The following FAM149B1 variants were observed in gnomAD, a reference collection of about 807,000 sequenced individuals.
FAM149B1 encodes the protein family with sequence similarity 149 member B1.
Under a neutral mutation model 75.3 loss-of-function variants are expected in FAM149B1, and 56 were observed. The ratio of observed to expected loss-of-function variants is 0.74; its 90% CI spans 0.60 to 0.93. FAM149B1 has a LOEUF of 0.93. FAM149B1 is among the 40% of genes least tolerant of loss of function. The pLI is 0.00. For missense variants in FAM149B1, 639 were observed against 708.4 expected (o/e 0.90, Z 1.11); for synonymous variants, 259 against 256.1 (o/e 1.01, Z -0.11).
intron 5 of FAM149B1, chr10:73,200,941 G>C (rs954118464): frequency 3.1e-5 from 14 of 453,272 alleles, no homozygotes; most frequent in African/African-American, 2.6e-4. Context: ...GAAGGAGAGA[G>C]ATACTATCAT....
intron 7 of FAM149B1, among the ~76,000 whole-genome samples, chr10:73,224,521 G>T (rs1401044717): frequency 6.6e-6 from 1 of 150,424 alleles, no homozygotes; most frequent in Admixed American, 6.6e-5. Flanking sequence ...GCCCAGGCTG[G>T]AGTGCAGTGG....
At chr10:73,201,869 A>G (rs2042946575) in intron 5 of FAM149B1, among the ~76,000 whole-genome samples, 1 of 152,154 alleles carries the variant, frequency 6.6e-6, no homozygotes, top group South Asian at 2.1e-4. Context: ...TTAAGAAAAA[A>G]AAAAGGAAAT....
Position 73,243,740 on chromosome 10 carries a change from C to T in FAM149B1, c.*2721C>T, listed in dbSNP as rs552394659. 1.1e-5 allele frequency: 13 copies of T among 1,169,362 alleles called. No homozygotes were observed. The highest frequency in any genetic ancestry group is 7.2e-5 in the East Asian group (3 of 41,802). The allele number at this position is 1,169,362 out of a possible 1,614,324, so 72.4% of individuals were successfully genotyped here. A position where few individuals can be genotyped will look rare whatever the true frequency, so the allele number is the denominator to read the frequency against. ...TTTAAAAGGACAAATAGAAGGTATG[C>T]GGTTATGTCTTAAAAGAAGAAAACA... On this transcript the variant is annotated 3_prime_UTR_variant, in exon 14 of 14. Transcript: ENST00000242505.
intron 12 of FAM149B1, among the ~76,000 whole-genome samples, chr10:73,236,864 T>C (rs188979227): frequency 2.0e-5 from 3 of 151,694 alleles, no homozygotes; most frequent in Admixed American, 6.6e-5. Flanking sequence ...TACAGGCACA[T>C]GCCACCATGC....
chr10:73,243,575 C>T lies in FAM149B1; in HGVS notation c.*2556C>T. 1.2e-6 allele frequency: 2 copies of T among 1,600,296 alleles called. No homozygotes were observed. Among genetic ancestry groups the T allele is most frequent in the East Asian group, 2.2e-5 (1 of 44,748 alleles). On this transcript the variant is annotated 3_prime_UTR_variant, in exon 14 of 14. Transcript: ENST00000242505. ...CAACATTATCCATAGACAGAAAGTA[C>T]CTAGTGGTTGCCAGGGGCTGGAAAA...
intron 5 of FAM149B1, among the ~76,000 whole-genome samples, chr10:73,203,861 A>G (rs1204005469): frequency 6.6e-6 from 1 of 152,038 alleles, no homozygotes; most frequent in Non-Finnish European, 1.5e-5. Context: ...GGCTGGTGTT[A>G]AACTCCTGGG....
At chr10:73,228,431 CA>C (rs1412016032) in intron 8 of FAM149B1, among the ~76,000 whole-genome samples, 1 of 152,166 alleles carries the variant, frequency 6.6e-6, no homozygotes, top group East Asian at 1.9e-4. Context: ...AACCTAGAAT[CA>C]ACCATGTGGT....
At chr10:73,240,754 T>C (rs184188789) in intron 13 of FAM149B1, among the ~76,000 whole-genome samples, 192 bp from the exon 14 acceptor site, 23 of 151,834 alleles carry the variant, frequency 1.5e-4, no homozygotes, top group Admixed American at 1.4e-3. Flanking sequence ...TATGTAACAC[T>C]GAAGTGGAAG....
intron 12 of FAM149B1, among the ~76,000 whole-genome samples, chr10:73,237,952 CTCTTT>C (rs766845868): frequency 3.7e-4 from 56 of 152,018 alleles, no homozygotes; most frequent in Non-Finnish European, 6.0e-4. Context: ...TTTCAGTCTT[CTCTTT>C]AAGTTTATTA....
Position 73,243,424 on chromosome 10 carries a change from A to C in FAM149B1, c.*2405A>C. The C allele has an allele frequency of 6.2e-7, 1 of 1,613,960 alleles. No homozygotes were observed. Among genetic ancestry groups the C allele is most frequent in the South Asian group, 1.1e-5 (1 of 91,074 alleles). The stretch of plus-strand genomic sequence containing the variant: ...ATTATTTCTTTTCTTTCTTGAGAGC[A>C]GATTTTTTCCCTCCTCCTTTGGAAG... On this transcript the variant is annotated 3_prime_UTR_variant, in exon 14 of 14. Coordinates refer to ENST00000242505, the MANE Select transcript of FAM149B1 (RefSeq NM_173348.2).
At position 73,244,480 on chromosome 10, in the gene FAM149B1, A is replaced by C. The variant is rs1227732834; in HGVS notation, c.*3461A>C. 6.7e-6 allele frequency: 1 copy of C among 149,894 alleles called. No homozygotes were observed. Among genetic ancestry groups the C allele is most frequent in the East Asian group, 2.0e-4 (1 of 5,076 alleles). 9.3% of individuals were successfully genotyped at this position (149,894 alleles called of 1,614,324 possible). A position where few individuals can be genotyped will look rare whatever the true frequency, so the allele number is the denominator to read the frequency against. Reference sequence around the variant, plus strand: ...CTCTGCACTCCAGCCTGGGTGATGGAGATGCCATCTCTTAGAAAAAAGAGA... The same window carrying C: ...CTCTGCACTCCAGCCTGGGTGATGGCGATGCCATCTCTTAGAAAAAAGAGA... On this transcript the variant is annotated 3_prime_UTR_variant, in exon 14 of 14. Transcript: ENST00000242505.
rs193219828 is a variant in FAM149B1, at chr10:73,215,668, A to G, written c.898+5230A>G. On this transcript the variant is annotated intron_variant, in intron 7 of 13. Coordinates refer to ENST00000242505, the MANE Select transcript of FAM149B1 (RefSeq NM_173348.2). Reference sequence around the variant, plus strand: ...TTTCTGTCAATTTTTTCATTGACCCAGTGATTGTTCAGGAGCATGCTGTTT... The same window carrying G: ...TTTCTGTCAATTTTTTCATTGACCCGGTGATTGTTCAGGAGCATGCTGTTT... Among the ~76,000 whole-genome samples the G allele has an allele frequency of 2.0e-3, 300 of 152,214 alleles. 3 individuals are homozygous for G. The highest frequency in any genetic ancestry group is 6.8e-3 in the African/African-American group (282 of 41,524).
In FAM149B1 at chr10:73,230,441, G is replaced by A; in HGVS notation, c.1043G>A (p.Ser348Asn). Residue 348 changes from serine to asparagine, a missense_variant, in exon 9 of 14, where the codon AGC becomes AAC. Physicochemically the swap from Ser to Asn is conservative, Grantham distance 46 (BLOSUM62 1). Coordinates refer to ENST00000242505, the MANE Select transcript of FAM149B1 (RefSeq NM_173348.2). ...TSNPMSLCQA[S>N]RHQPNVNDLL... Reference sequence around the variant, plus strand: ...ACGTAGATGAGTCTCTGTCAAGCAAGCAGACATCAGCCAAATGTGAATGAT... The same window carrying A: ...ACGTAGATGAGTCTCTGTCAAGCAAACAGACATCAGCCAAATGTGAATGAT... 1 of 1,545,038 alleles carries A rather than the reference G, an allele frequency of 6.5e-7. No individual in the cohort carries two copies. The highest frequency in any genetic ancestry group is 1.2e-5 in the South Asian group (1 of 83,916).
intron 7 of FAM149B1, among the ~76,000 whole-genome samples, chr10:73,216,115 A>ACCT (rs2043292568): frequency 6.6e-6 from 1 of 152,014 alleles, no homozygotes; most frequent in East Asian, 1.9e-4. Context: ...GGATTGTTAC[A>ACCT]TCTTGTTGAA....
intron 5 of FAM149B1, among the ~76,000 whole-genome samples, chr10:73,205,895 A>G (rs991814966): frequency 1.5e-4 from 23 of 152,150 alleles, no homozygotes; most frequent in African/African-American, 5.6e-4. Context: ...CATACAGAAC[A>G]CTGGTACCAA....
Position 73,235,232 on chromosome 10 carries a change from G to A in FAM149B1, c.1516G>A (p.Val506Met), listed in dbSNP as rs370350559. Residue 506 changes from valine to methionine, a missense_variant, in exon 12 of 14, where the codon GTG becomes ATG. Coordinates refer to ENST00000242505, the MANE Select transcript of FAM149B1 (RefSeq NM_173348.2). ...GDSSRAQSAV[V>M]DEPNYQQPQE... ...CTCTAGTCGAGCTCAAAGTGCGGTG[G>A]TGGATGAACCTAACTATCAGCAGCC... 9.1e-5 allele frequency: 141 copies of A among 1,551,678 alleles called. No individual in the cohort carries two copies. The highest frequency in any genetic ancestry group is 1.2e-4 in the Non-Finnish European group (133 of 1,146,994).
intron 3 of FAM149B1, among the ~76,000 whole-genome samples, chr10:73,191,412 C>A (rs2042681137): frequency 6.6e-6 from 1 of 151,452 alleles, no homozygotes; most frequent in African/African-American, 2.4e-5. Flanking sequence ...TCTCGGCTCA[C>A]CGCAACCTCC....
intron 2 of FAM149B1, among the ~76,000 whole-genome samples, chr10:73,176,775 C>T (rs924607686): frequency 1.3e-5 from 2 of 151,676 alleles, no homozygotes; most frequent in Non-Finnish European, 2.9e-5. Context: ...GCCTGTAGTC[C>T]CAGCACTTTG....
chr10:73,178,773 T>C (rs1245763341), intron 3 of FAM149B1, among the ~76,000 whole-genome samples: 1 of 152,202 alleles, frequency 6.6e-6, no homozygotes, highest in Non-Finnish European at 1.5e-5. Flanking sequence ...CCAAAATATT[T>C]ACTCAAAATA....
Sources: allele counts gnomAD v4.1 joint callset (sites outside exome capture counted in the v4.1 genomes callset), GRCh38; gene constraint gnomAD v4.1.1; transcripts MANE v1.5; gene names NCBI Gene and HGNC (gene_info 2026-07-23, HGNC 2026-07-21).